The following ADCY9 variants were observed in gnomAD, a reference collection of about 807,000 sequenced individuals.
The protein encoded by ADCY9 is adenylate cyclase 9, also known as adenylate cyclase type 9.
Under a neutral mutation model 101.5 loss-of-function variants are expected in ADCY9, and 50 were observed. The ratio of observed to expected loss-of-function variants is 0.49; its 90% CI spans 0.39 to 0.62. The LOEUF (loss-of-function observed/expected upper bound fraction) is 0.62, where lower values mean the gene tolerates loss of function less well. Ranked by LOEUF, ADCY9 falls within the 20% of genes least tolerant of loss-of-function variation. The pLI, the probability that ADCY9 is intolerant of heterozygous loss-of-function variation, is 0.00. For synonymous variants in ADCY9, 905 were observed against 769.3 expected (o/e 1.18, Z -2.92); for missense variants, 1,662 against 1,800.4 (o/e 0.92, Z 1.39).
chr16:3,997,792 A>T (rs1244369152), intron 3 of ADCY9, among the ~76,000 whole-genome samples: 1 of 152,146 alleles, frequency 6.6e-6, no homozygotes, highest in African/African-American at 2.4e-5. Flanking sequence ...ATTTTACTGC[A>T]CTTTGAAAAT....
chr16:3,991,152 G>C (rs2056240700), intron 5 of ADCY9, among the ~76,000 whole-genome samples: 1 of 152,178 alleles, frequency 6.6e-6, no homozygotes, highest in Non-Finnish European at 1.5e-5. Flanking sequence ...AATCATCAAT[G>C]AATGTTAAAT....
At chr16:3,983,691 G>A in intron 6 of ADCY9, 1 of 524,238 alleles carries the variant, frequency 1.9e-6, no homozygotes, top group Middle Eastern at 5.1e-4. Flanking sequence ...CACTTTGGGA[G>A]GCTGACGTAG....
chr16:3,960,836 A>T (rs1291991128), downstream of ADCY9, among the ~76,000 whole-genome samples: 1 of 152,234 alleles, frequency 6.6e-6, no homozygotes, highest in Non-Finnish European at 1.5e-5. Context: ...AACAATTTTT[A>T]AAAAGGAACT....
At chr16:4,047,420 T>C (rs1597190081) in intron 2 of ADCY9, among the ~76,000 whole-genome samples, 1 of 151,042 alleles carries the variant, frequency 6.6e-6, no homozygotes, top group East Asian at 1.9e-4. Flanking sequence ...TGTGATGTGG[T>C]TTCTCTAGTT....
chr16:3,957,401 G>A (rs1481380595), intron 5 of ADCY9, among the ~76,000 whole-genome samples: 1 of 152,162 alleles, frequency 6.6e-6, no homozygotes, highest in Non-Finnish European at 1.5e-5. Context: ...GAATTTACTG[G>A]CGGAAAAGTC....
At chr16:4,086,130 C>T (rs529507201) in intron 2 of ADCY9, among the ~76,000 whole-genome samples, 1 of 151,598 alleles carries the variant, frequency 6.6e-6, no homozygotes, top group East Asian at 1.9e-4. Flanking sequence ...GGGAAGGTGG[C>T]GACGCAATGA....
chr16:4,018,588 A>C (rs2141734805), intron 2 of ADCY9, among the ~76,000 whole-genome samples: 1 of 152,284 alleles, frequency 6.6e-6, no homozygotes, highest in South Asian at 2.1e-4. Context: ...CTTCTGGGAA[A>C]TGTGGATCCA....
intron 6 of ADCY9, among the ~76,000 whole-genome samples, chr16:3,984,528 A>G (rs1056765346): frequency 7.2e-5 from 11 of 151,734 alleles, no homozygotes; most frequent in Admixed American, 7.2e-4. Flanking sequence ...AGGAACTACC[A>G]CCCATCTCGG....
At chr16:4,001,412 C>T (rs1410667615) in intron 3 of ADCY9, among the ~76,000 whole-genome samples, 1 of 152,168 alleles carries the variant, frequency 6.6e-6, no homozygotes, top group Non-Finnish European at 1.5e-5. Flanking sequence ...GAAAGAATGC[C>T]GCAGAGGTGA....
chr16:4,091,618 T>G (rs8057378), intron 2 of ADCY9, among the ~76,000 whole-genome samples: 355 of 152,296 alleles, frequency 2.3e-3, no homozygotes, highest in African/African-American at 7.1e-3. Flanking sequence ...CAATGGAATT[T>G]TATGCACCCA....
rs549495440 is a variant in ADCY9 at position 4,076,115 on chromosome 16, GC to G, written c.1693+37634del. 7.2e-5 allele frequency among the ~76,000 whole-genome samples: 11 copies of G among 152,302 alleles called. No individual in the cohort carries two copies. In the South Asian group the frequency reaches 2.3e-3, roughly 32 times the overall value. ...AGGCTGAGGTGGGAGGATCACTTGA[GC>G]CCACGAGTTCGAGGCTGCAGTGCGC... On this transcript the variant is annotated intron_variant, in intron 2 of 10. Transcript: ENST00000294016.
chr16:4,096,662 T>C (rs962005081), intron 2 of ADCY9, among the ~76,000 whole-genome samples: 1 of 152,100 alleles, frequency 6.6e-6, no homozygotes, highest in African/African-American at 2.4e-5. Context: ...AGTAACACAA[T>C]AGGGTACGAA....
intron 2 of ADCY9, among the ~76,000 whole-genome samples, chr16:4,059,379 G>GAA (rs1555441793): frequency 8.4e-6 from 1 of 118,478 alleles, no homozygotes; most frequent in Non-Finnish European, 1.7e-5. Flanking sequence ...AGAATCCATC[G>GAA]AAAAAAAAAA....
rs565323545 is a variant in ADCY9 at position 4,114,829 on chromosome 16, G to C, written c.614C>G (p.Ser205Cys). ...GGGCCGGGCTGTGGCCGTAAGGTTG[G>C]AGCTGTCGCCGCGTCCTGAGACAGG... ...LTPVSGRGDS[S>C]NLTATARPTD... The change falls in exon 2 of 11, where the codon TCC (serine) becomes TGC (cysteine). Residue 205 changes from serine (S) to cysteine (C), a missense_variant. Around this residue, in one of 5 missense-constraint regions of ADCY9, gnomAD observed 422 missense variants for 392.0 expected, o/e 1.08. Transcript: ENST00000294016. This position sits in a 1 kb window ranked among gnomAD's most constrained non-coding sequence, Gnocchi z 4.3. 45 of 1,613,494 alleles carry C rather than the reference G, an allele frequency of 2.8e-5. No homozygotes were observed. Among genetic ancestry groups the C allele is most frequent in the Non-Finnish European group, 3.7e-5 (44 of 1,180,046 alleles).
At chr16:3,993,240 G>T in intron 4 of ADCY9, 166 bp downstream of exon 4, 1 of 1,279,240 alleles carries the variant, frequency 7.8e-7, no homozygotes, top group Non-Finnish European at 1.1e-6. Flanking sequence ...ACCCTCCCTC[G>T]AGCTCCCTGC....
intron 2 of ADCY9, among the ~76,000 whole-genome samples, chr16:4,082,718 G>GCACA (rs1287013043): frequency 9.3e-5 from 14 of 149,876 alleles, no homozygotes; most frequent in Admixed American, 4.0e-4. Flanking sequence ...ACGCATGCAC[G>GCACA]CACACACATG....
At chr16:4,067,935 T>C (rs1437444259) in intron 2 of ADCY9, among the ~76,000 whole-genome samples, 1 of 152,232 alleles carries the variant, frequency 6.6e-6, no homozygotes, top group African/African-American at 2.4e-5. Flanking sequence ...AACATAGAAT[T>C]TAATTAATTC....
intron 2 of ADCY9, among the ~76,000 whole-genome samples, chr16:4,026,590 C>T (rs1025962238): frequency 6.6e-6 from 1 of 152,126 alleles, no homozygotes; most frequent in Admixed American, 6.6e-5. Context: ...GGAAACCAAC[C>T]TAATGTCCTT....
chr16:4,011,088 C>A (rs1194365860), intron 2 of ADCY9, among the ~76,000 whole-genome samples: 1 of 152,134 alleles, frequency 6.6e-6, no homozygotes, highest in Non-Finnish European at 1.5e-5. Context: ...ACGGACGGAT[C>A]AGCACCCTCC....
Sources: gnomAD v4.1 joint callset for allele counts (sites outside exome capture counted in the v4.1 genomes callset) on GRCh38, gnomAD v4.1.1 for gene constraint, gnomAD v4.1.1 regional missense constraint, Gnocchi (gnomAD v3.1) non-coding constraint, MANE v1.5 for transcripts, NCBI Gene and HGNC (gene_info 2026-07-23, HGNC 2026-07-21) for gene names.